The following ASCL3 variants were observed in gnomAD, a reference collection of about 807,000 sequenced individuals.
The protein encoded by ASCL3 is achaete-scute homolog 3.
ASCL3 carries 1 observed loss-of-function variant against 2.3 expected under a neutral mutation model. The observed-to-expected ratio is 0.44, with a 90% CI of 0.16 to 2.10. ASCL3 has a LOEUF of 2.10. Ranked by LOEUF, ASCL3 falls within the 30% of genes most tolerant of loss-of-function variation. The pLI is 0.28. For missense variants in ASCL3, 243 were observed against 229.0 expected, an observed-to-expected ratio of 1.06 and a Z score of -0.40; for synonymous variants, 98 against 88.5, an observed-to-expected ratio of 1.11 and a Z score of -0.60.
intron 1 of ASCL3, 66 bp from the exon 2 acceptor site, chr11:8,938,239 G>T: frequency 7.6e-7 from 1 of 1,320,844 alleles, no homozygotes; most frequent in African/African-American, 1.5e-5. Context: ...CTTTCTTGGA[G>T]ATCAATGTTT....
At position 8,937,850 on chromosome 11, in the gene ASCL3, C is replaced by G. The variant is rs2064686888; in HGVS notation, c.312G>C (p.Gln104His). 9 of 1,614,160 alleles carry G rather than the reference C, an allele frequency of 5.6e-6. No homozygotes were observed. Among genetic ancestry groups the G allele is most frequent in the Admixed American group, 1.7e-5 (1 of 60,026 alleles). ...FTRKRNERER[Q>H]RVKCVNEGYA... is the part of the protein sequence containing the mutation. ...AGCCTTCATTGACACATTTCACCCG[C>G]TGCCTTTCCCGCTCATTCCTTTTCC... The change falls in exon 2 of 2, where the codon CAG becomes CAC. Residue 104 changes from glutamine to histidine, a missense_variant. Physicochemically the swap from Gln to His is conservative, Grantham distance 24. Transcript: ENST00000531618.
Position 8,937,685 on chromosome 11 carries a change from G to A in ASCL3, c.477C>T (p.Asn159=). 2 of 1,614,100 alleles carry A rather than the reference G, an allele frequency of 1.2e-6. No individual in the cohort carries two copies. Among genetic ancestry groups the A allele is most frequent in the Admixed American group, 1.7e-5 (1 of 60,022 alleles). Residue 159 remains asparagine (N), a synonymous_variant, in exon 2 of 2, where the codon AAC becomes AAT. Transcript: ENST00000531618. ...CTATCATGGAGGAAACTTTTCCAGGGTTATTCTTGGTCTCAGCTTTATCAG... is the reference window on the plus strand; with the variant it reads ...CTATCATGGAGGAAACTTTTCCAGGATTATTCTTGGTCTCAGCTTTATCAG... ...LYPDKAETKN[N]PGKVSSMIAT... is the part of the protein sequence containing the mutation.
intron 1 of ASCL3, among the ~76,000 whole-genome samples, chr11:8,941,564 G>C (rs1478849365): frequency 1.5e-5 from 2 of 133,394 alleles, no homozygotes; most frequent in Admixed American, 1.5e-4. Flanking sequence ...GAGTGGCCAG[G>C]GTTAAAGGCT....
chr11:8,937,858 C>G lies in ASCL3; in HGVS notation c.304G>C (p.Glu102Gln). Residue 102 changes from glutamate to glutamine, a missense_variant, in exon 2 of 2, where the codon GAA becomes CAA. By Grantham distance (29) the Glu-to-Gln change is conservative (BLOSUM62 2). Coordinates refer to ENST00000531618, the MANE Select transcript of ASCL3 (RefSeq NM_020646.3). Reference sequence around the variant, plus strand: ...TTGACACATTTCACCCGCTGCCTTTCCCGCTCATTCCTTTTCCGGGTGAAG... The same window carrying G: ...TTGACACATTTCACCCGCTGCCTTTGCCGCTCATTCCTTTTCCGGGTGAAG... ...PAFTRKRNER[E>Q]RQRVKCVNEG... 1 of 1,614,140 alleles carries G rather than the reference C, an allele frequency of 6.2e-7. No individual in the cohort carries two copies. Among genetic ancestry groups the G allele is most frequent in the Non-Finnish European group, 8.5e-7 (1 of 1,179,994 alleles).
At chr11:8,938,284 CTG>C in intron 1 of ASCL3, 111 bp from the exon 2 acceptor site, 1 of 1,028,606 alleles carries the variant, frequency 9.7e-7, no homozygotes, top group East Asian at 2.5e-5. Flanking sequence ...GAGTCTGGCT[CTG>C]TTGCCCAGGC....
At chr11:8,938,790 A>G (rs919010259) in intron 1 of ASCL3, among the ~76,000 whole-genome samples, 1 of 148,106 alleles carries the variant, frequency 6.8e-6, no homozygotes, top group Non-Finnish European at 1.5e-5. Flanking sequence ...ACACCACACC[A>G]CTAGAATTCT....
At chr11:8,938,256 A>G (rs1049743008) in intron 1 of ASCL3, 83 bp from the exon 2 acceptor site, 10 of 1,281,402 alleles carry the variant, frequency 7.8e-6, no homozygotes, top group Middle Eastern at 2.7e-4. Flanking sequence ...GTTTTATTTT[A>G]TTTTATTTTT....
chr11:8,938,796 ATTC>A (rs1431953317), intron 1 of ASCL3, among the ~76,000 whole-genome samples: 1 of 146,380 alleles, frequency 6.8e-6, no homozygotes, highest in Admixed American at 6.8e-5. Context: ...CACCACTAGA[ATTC>A]TTTTTTTTTT....
At chr11:8,941,334 CACACACAT>C (rs899475908) in intron 1 of ASCL3, among the ~76,000 whole-genome samples, 19 of 91,842 alleles carry the variant, frequency 2.1e-4, no homozygotes, top group Admixed American at 1.4e-3. Flanking sequence ...ACTAAACACA[CACACACAT>C]ACACACACAC....
At chr11:8,938,291 C>T in intron 1 of ASCL3, 118 bp from the exon 2 acceptor site, 2 of 972,736 alleles carry the variant, frequency 2.1e-6, no homozygotes, top group Non-Finnish European at 1.5e-6. Context: ...GCTCTGTTGC[C>T]CAGGCTGGAG....
chr11:8,939,942 G>A (rs986923256), intron 1 of ASCL3, among the ~76,000 whole-genome samples: 4 of 152,026 alleles, frequency 2.6e-5, no homozygotes, highest in Non-Finnish European at 2.9e-5. Flanking sequence ...TGAGTAAAGT[G>A]CAGCTATGTT....
intron 1 of ASCL3, among the ~76,000 whole-genome samples, chr11:8,941,342 TACACACACACACAC>T (rs34828031): frequency 6.8e-6 from 1 of 146,528 alleles, no homozygotes; most frequent in South Asian, 2.2e-4. Flanking sequence ...CACACACACA[TACACACACACACAC>T]ACACACACAC....
Position 8,937,606 on chromosome 11 carries a change from A to G in ASCL3, c.*10T>C, listed in dbSNP as rs376186721. 27 of 1,594,488 alleles carry G rather than the reference A, an allele frequency of 1.7e-5. No individual in the cohort carries two copies. The highest frequency in any genetic ancestry group is 2.1e-5 in the Non-Finnish European group (24 of 1,169,106). Reference sequence around the variant, plus strand: ...TGTGATATTATTCATTTCTATTTGGAAACAGCAACTCAAACAATTCTGAAC... The same window carrying G: ...TGTGATATTATTCATTTCTATTTGGGAACAGCAACTCAAACAATTCTGAAC... On this transcript the variant is annotated 3_prime_UTR_variant, in exon 2 of 2. Transcript: ENST00000531618.
In ASCL3 at chr11:8,942,651, C is replaced by T. The variant is rs144108467; in HGVS notation, c.-13+335G>A. ...GTAAAAAATAAAAAGCTACAACTGCCGATATAATTGAATTATGGAATGTTA... is the reference window on the plus strand; with the variant it reads ...GTAAAAAATAAAAAGCTACAACTGCTGATATAATTGAATTATGGAATGTTA... On this transcript the variant is annotated intron_variant, in intron 1 of 1. Coordinates refer to ENST00000531618, the MANE Select transcript of ASCL3 (RefSeq NM_020646.3). Among the ~76,000 whole-genome samples, 48 of 152,142 alleles carry T rather than the reference C, an allele frequency of 3.2e-4. No homozygotes were observed. In the East Asian group the frequency reaches 8.1e-3, roughly 26 times the overall value.
intron 1 of ASCL3, 83 bp from the exon 2 acceptor site, chr11:8,938,256 AT>A (rs1566117587): frequency 7.8e-7 from 1 of 1,281,396 alleles, no homozygotes; most frequent in African/African-American, 1.5e-5. Flanking sequence ...GTTTTATTTT[AT>A]TTTATTTTTC....
At chr11:8,941,534 G>A (rs946933318) in intron 1 of ASCL3, among the ~76,000 whole-genome samples, 1 of 138,444 alleles carries the variant, frequency 7.2e-6, no homozygotes, top group East Asian at 2.2e-4. Flanking sequence ...GGCAGCAGGG[G>A]CAGGGGTGCC....
chr11:8,939,396 C>A (rs892942703), intron 1 of ASCL3, among the ~76,000 whole-genome samples: 1 of 151,898 alleles, frequency 6.6e-6, no homozygotes, highest in Non-Finnish European at 1.5e-5. Flanking sequence ...CCCGCCACCA[C>A]GCCCAGCTAA....
intron 1 of ASCL3, among the ~76,000 whole-genome samples, chr11:8,939,303 A>C (rs941126107): frequency 5.9e-5 from 9 of 151,758 alleles, no homozygotes; most frequent in African/African-American, 2.2e-4. Context: ...CAGTGGCACG[A>C]TCTCGGCTCA....
intron 1 of ASCL3, among the ~76,000 whole-genome samples, chr11:8,942,213 A>G (rs1476141807): frequency 6.6e-6 from 1 of 152,138 alleles, no homozygotes; most frequent in Non-Finnish European, 1.5e-5. Flanking sequence ...ATTGATGAGA[A>G]GTTTTTTTCT....
Sources: gnomAD v4.1 joint callset for allele counts (sites outside exome capture counted in the v4.1 genomes callset) on GRCh38, gnomAD v4.1.1 for gene constraint, MANE v1.5 for transcripts, NCBI Gene and HGNC (gene_info 2026-07-23, HGNC 2026-07-21) for gene names.